The following CSMD1 variants were observed in gnomAD, a reference collection of about 807,000 sequenced individuals.
CSMD1 encodes CUB and sushi domain-containing protein 1.
Under a neutral mutation model 417.5 loss-of-function variants are expected in CSMD1, and 213 were observed. The observed-to-expected ratio is 0.51, with a 90% CI of 0.46 to 0.57. The LOEUF (loss-of-function observed/expected upper bound fraction) is 0.57, where lower values mean the gene tolerates loss of function less well. CSMD1 is among the 20% of genes least tolerant of loss of function. CSMD1 has a pLI of 0.00. For missense variants in CSMD1, 6,923 were observed against 4,529.7 expected (o/e 1.53, Z -15.17); for synonymous variants, 2,862 against 1,736.8 (o/e 1.65, Z -16.11).
In CSMD1 at chr8:3,001,835, C is replaced by T. The variant is rs992766038; in HGVS notation, c.8030-1704G>A. On this transcript the variant is annotated intron_variant, in intron 52 of 69. Coordinates refer to ENST00000635120, the MANE Select transcript of CSMD1 (RefSeq NM_033225.6). Reference sequence around the variant, plus strand: ...ATTCTCCATACAAGTTCCTGCACACCCAGATTTGAGAAATTACAAAATTGT... The same window carrying T: ...ATTCTCCATACAAGTTCCTGCACACTCAGATTTGAGAAATTACAAAATTGT... 2.0e-5 allele frequency among the ~76,000 whole-genome samples: 3 copies of T among 152,124 alleles called. 1 individual carries two copies. Among genetic ancestry groups the T allele is most frequent in the Non-Finnish European group, 4.4e-5 (3 of 68,032 alleles).
chr8:3,908,546 A>G (rs1024621885), intron 5 of CSMD1, among the ~76,000 whole-genome samples: 1 of 152,114 alleles, frequency 6.6e-6, no homozygotes, highest in Non-Finnish European at 1.5e-5. Flanking sequence ...TAAGGGAAAC[A>G]CTTTTGTAGC....
chr8:3,529,081 C>A (rs1797872199), intron 10 of CSMD1, among the ~76,000 whole-genome samples: 1 of 152,144 alleles, frequency 6.6e-6, no homozygotes, highest in African/African-American at 2.4e-5. Flanking sequence ...ACACTTTCAA[C>A]AGAATATACC....
intron 5 of CSMD1, among the ~76,000 whole-genome samples, chr8:3,835,142 T>C (rs1391454604): frequency 2.0e-5 from 3 of 147,198 alleles, no homozygotes; most frequent in Non-Finnish European, 3.0e-5. Flanking sequence ...AGTCCAACCA[T>C]TGTGGAAGTC....
chr8:3,767,412 A>C (rs1798336319), intron 5 of CSMD1, among the ~76,000 whole-genome samples: 2 of 152,162 alleles, frequency 1.3e-5, no homozygotes, highest in African/African-American at 4.8e-5. Context: ...TAAACCTCAG[A>C]ATTGTTCATT....
chr8:3,777,953 C>T lies in CSMD1; in HGVS notation c.819-23911G>A, dbSNP rs544751144. 3.8e-3 allele frequency among the ~76,000 whole-genome samples: 578 copies of T among 152,168 alleles called. 1 individual carries two copies. Among genetic ancestry groups the T allele is most frequent in the Middle Eastern group, 0.031 (9 of 292 alleles). The stretch of plus-strand genomic sequence containing the variant: ...GAAGGGCAGAGTCTCAGTTCCCACT[C>T]CAGACCTGCAGCCTCCTTGAAGTGC... On this transcript the variant is annotated intron_variant, in intron 5 of 69. Coordinates refer to ENST00000635120, the MANE Select transcript of CSMD1 (RefSeq NM_033225.6).
At chr8:3,602,105 A>C (rs1486770584) in intron 8 of CSMD1, among the ~76,000 whole-genome samples, 1 of 152,196 alleles carries the variant, frequency 6.6e-6, no homozygotes, top group African/African-American at 2.4e-5. Context: ...ATGTGTTAAC[A>C]CCATTGAACT....
At chr8:3,340,437 C>G (rs1222493789) in intron 23 of CSMD1, among the ~76,000 whole-genome samples, 1 of 152,026 alleles carries the variant, frequency 6.6e-6, no homozygotes, top group Non-Finnish European at 1.5e-5. Context: ...ATTTTCTAAT[C>G]TACTCATGTA....
chr8:3,147,261 G>A (rs1269228958), intron 40 of CSMD1, among the ~76,000 whole-genome samples: 1 of 152,106 alleles, frequency 6.6e-6, no homozygotes, highest in East Asian at 1.9e-4. Flanking sequence ...TTGTCATGCT[G>A]TTTGTTTCAT....
chr8:4,698,830 G>A (rs1417321150), intron 1 of CSMD1, among the ~76,000 whole-genome samples: 1 of 150,940 alleles, frequency 6.6e-6, no homozygotes, highest in African/African-American at 2.4e-5. Context: ...CTTTCAACCA[G>A]GAAAATCCTA....
At chr8:4,725,396 G>T in intron 1 of CSMD1, among the ~76,000 whole-genome samples, 1 of 152,244 alleles carries the variant, frequency 6.6e-6, no homozygotes, top group Middle Eastern at 3.4e-3. Flanking sequence ...TTGTGAAAGC[G>T]CAATAATATA....
chr8:2,942,350 A>C, intron 69 of CSMD1, 122 bp downstream of exon 69: 1 of 926,766 alleles, frequency 1.1e-6, no homozygotes. Flanking sequence ...TTTAAAAAAA[A>C]AAAAAGAACA....
chr8:3,744,319 C>T (rs1250983352), intron 6 of CSMD1, among the ~76,000 whole-genome samples: 1 of 152,138 alleles, frequency 6.6e-6, no homozygotes, highest in African/African-American at 2.4e-5. Context: ...AGAGCATCTA[C>T]TCTGCCTGTG....
intron 4 of CSMD1, among the ~76,000 whole-genome samples, chr8:4,010,021 G>A (rs985400541): frequency 6.6e-6 from 1 of 152,120 alleles, no homozygotes; most frequent in Non-Finnish European, 1.5e-5. Flanking sequence ...GCTCCTGAAT[G>A]TCTCCTACTA....
At chr8:3,309,100 G>T (rs1805122056) in intron 23 of CSMD1, among the ~76,000 whole-genome samples, 1 of 151,866 alleles carries the variant, frequency 6.6e-6, no homozygotes, top group African/African-American at 2.4e-5. Flanking sequence ...TGGATTCTCT[G>T]GTGAGCCCCA....
intron 3 of CSMD1, among the ~76,000 whole-genome samples, chr8:4,219,958 C>CT (rs907541208): frequency 4.7e-4 from 71 of 151,208 alleles, no homozygotes; most frequent in African/African-American, 1.4e-3. Context: ...TTTTTTAATG[C>CT]TTTTTTTTTG....
At chr8:3,654,743 C>A (rs1798019668) in intron 7 of CSMD1, among the ~76,000 whole-genome samples, 1 of 152,166 alleles carries the variant, frequency 6.6e-6, no homozygotes, top group Non-Finnish European at 1.5e-5. Context: ...ATGAAGTGCT[C>A]CAGGGCTTGA....
intron 11 of CSMD1, among the ~76,000 whole-genome samples, chr8:3,470,521 T>G (rs1817025451): frequency 6.6e-6 from 1 of 152,152 alleles, no homozygotes; most frequent in South Asian, 2.1e-4. Context: ...TTTCCCTGTT[T>G]TATTCGTATT....
chr8:4,369,968 G>T (rs188181836), intron 3 of CSMD1, among the ~76,000 whole-genome samples: 14 of 152,148 alleles, frequency 9.2e-5, no homozygotes, highest in African/African-American at 3.1e-4. Context: ...ATACTGACAC[G>T]TGAGAATTGT....
intron 3 of CSMD1, among the ~76,000 whole-genome samples, chr8:4,191,297 G>C (rs533603726): frequency 6.6e-6 from 1 of 152,144 alleles, no homozygotes; most frequent in African/African-American, 2.4e-5. Context: ...TCGGGAGGCT[G>C]AGGCAGGAGA....
Sources: allele counts gnomAD v4.1 joint callset (sites outside exome capture counted in the v4.1 genomes callset), GRCh38; gene constraint gnomAD v4.1.1; transcripts MANE v1.5; gene names NCBI Gene and HGNC (gene_info 2026-07-23, HGNC 2026-07-21).